Variants in TEK observed in about 807,000 individuals in gnomAD.
TEK encodes the protein TEK receptor tyrosine kinase.
TEK carries 43 observed loss-of-function variants against 131.8 expected under a neutral mutation model. The ratio of observed to expected loss-of-function variants is 0.33; its 90% CI spans 0.26 to 0.42. The LOEUF (loss-of-function observed/expected upper bound fraction) is 0.42. TEK is among the 10% of genes least tolerant of loss of function. The pLI is 1.00. For synonymous variants in TEK, 580 were observed against 491.6 expected (o/e 1.18, Z -2.38); for missense variants, 1,162 against 1,384.4 (o/e 0.84, Z 2.55).
chr9:27,168,131 T>C (rs1823805947), intron 2 of TEK, among the ~76,000 whole-genome samples: 1 of 152,128 alleles, frequency 6.6e-6, no homozygotes, highest in Non-Finnish European at 1.5e-5. Context: ...TATTTCAAAA[T>C]GGAAAAATAA....
chr9:27,209,262 A>T (rs1825513543), intron 16 of TEK, 31 bp downstream of exon 16: 1 of 1,480,726 alleles, frequency 6.8e-7, no homozygotes, highest in Admixed American at 1.7e-5. Context: ...CTTTCCTGCC[A>T]GAGTTTTTAT....
chr9:27,140,589 A>G (rs1822689738), intron 1 of TEK, among the ~76,000 whole-genome samples: 1 of 151,944 alleles, frequency 6.6e-6, no homozygotes, highest in Admixed American at 6.6e-5. Context: ...GTGTTGCTCC[A>G]CTGGCTATAT....
At chr9:27,211,120 T>TAA (rs35005991) in intron 16 of TEK, among the ~76,000 whole-genome samples, 1 of 137,128 alleles carries the variant, frequency 7.3e-6, no homozygotes, top group South Asian at 2.3e-4. Flanking sequence ...AGACTCAGTT[T>TAA]AAAAAAAAAT....
intron 2 of TEK, among the ~76,000 whole-genome samples, chr9:27,160,302 G>A (rs897650682): frequency 2.6e-5 from 4 of 152,136 alleles, no homozygotes; most frequent in Admixed American, 6.5e-5. Context: ...TGGGATTATA[G>A]GTGTGAGCCC....
intron 1 of TEK, among the ~76,000 whole-genome samples, chr9:27,144,326 G>C (rs909699336): frequency 6.6e-6 from 1 of 152,102 alleles, no homozygotes; most frequent in Non-Finnish European, 1.5e-5. Context: ...TAGCTCATGC[G>C]AAGATGCTAT....
rs1055114133 is a variant in TEK at position 27,173,271 on chromosome 9, A to G, written c.810A>G (p.Gly270=). ...FGRTCKERCS[G]QEGCKSYVFC... is the part of the protein sequence containing the mutation. ...GAACTTGTAAAGAAAGGTGCAGTGG[A>G]CAAGAGGGATGCAAGTCTTATGTGT... Residue 270 remains glycine, a synonymous_variant, in exon 6 of 23, where the codon GGA becomes GGG. Coordinates refer to ENST00000380036, the MANE Select transcript of TEK (RefSeq NM_000459.5). 3 of 1,614,100 alleles carry G rather than the reference A, an allele frequency of 1.9e-6. No homozygotes were observed. Among genetic ancestry groups the G allele is most frequent in the Non-Finnish European group, 8.5e-7 (1 of 1,179,956 alleles).
At chr9:27,138,153 G>C (rs1822567730) in intron 1 of TEK, among the ~76,000 whole-genome samples, 1 of 152,232 alleles carries the variant, frequency 6.6e-6, no homozygotes, top group African/African-American at 2.4e-5. Context: ...TAAAGGTAGT[G>C]CAGACCCAAA....
chr9:27,115,802 C>A (rs1207915720), intron 1 of TEK, among the ~76,000 whole-genome samples: 6 of 152,064 alleles, frequency 3.9e-5, no homozygotes, highest in African/African-American at 1.4e-4. Context: ...GCAGGGCAGG[C>A]TTAAGGAAGC....
At chr9:27,217,621 C>CAG in intron 18 of TEK, 67 bp from the exon 19 acceptor site, 1 of 1,420,034 alleles carries the variant, frequency 7.0e-7, no homozygotes, top group Non-Finnish European at 1.0e-6. Flanking sequence ...AGCCACAGCT[C>CAG]AGGCAGGCTG....
intron 16 of TEK, chr9:27,210,276 CCA>C (rs5897223): frequency 0.77 from 117,033 of 151,302 alleles, 45,686 homozygotes; most frequent in East Asian, 0.89. Context: ...CACACACATA[CCA>C]CACACACACA....
chr9:27,185,493 C>T lies in TEK; in HGVS notation c.1191C>T (p.Asp397=), dbSNP rs776194154. 1.9e-6 allele frequency: 3 copies of T among 1,613,648 alleles called. No individual in the cohort carries two copies. Among genetic ancestry groups the T allele is most frequent in the Non-Finnish European group, 2.5e-6 (3 of 1,179,708 alleles). ...GTATTTGACCTTTTCAGCCAAAAGA[C>T]TTTAACCATACGGATCATTTCTCAG... is the stretch of plus-strand genomic sequence containing the variant. ...KPDGTVLHPK[D]FNHTDHFSVA... The change falls in exon 9 of 23, where the codon GAC becomes GAT. Residue 397 remains aspartate, a synonymous_variant. Coordinates refer to ENST00000380036, the MANE Select transcript of TEK (RefSeq NM_000459.5).
rs777377611 is a variant in TEK, at chr9:27,229,644, T to C, written c.*412T>C. 24 of 243,682 alleles carry C rather than the reference T, an allele frequency of 9.8e-5. No homozygotes were observed. The highest frequency in any genetic ancestry group is 1.7e-4 in the Non-Finnish European group (21 of 122,672). 15.1% of individuals were successfully genotyped at this position (243,682 alleles called of 1,614,324 possible). ...AAAATATTGTTAATAAACCTAACAATGACCCTGATAGTACAGGTTAAGTGA... is the reference window on the plus strand; with the variant it reads ...AAAATATTGTTAATAAACCTAACAACGACCCTGATAGTACAGGTTAAGTGA... On this transcript the variant is annotated 3_prime_UTR_variant, in exon 23 of 23. Coordinates refer to ENST00000380036, the MANE Select transcript of TEK (RefSeq NM_000459.5).
chr9:27,229,365 A>G lies in TEK; in HGVS notation c.*133A>G. The G allele has an allele frequency of 1.2e-6, 1 of 825,368 alleles. No individual in the cohort carries two copies. Among genetic ancestry groups the G allele is most frequent in the Non-Finnish European group, 2.1e-6 (1 of 477,826 alleles). 51.1% of individuals were successfully genotyped at this position (825,368 alleles called of 1,614,324 possible). A position where few individuals can be genotyped will look rare whatever the true frequency, so the allele number is the denominator to read the frequency against. ...TATGTGCTGTACACCTGGGACCTTC[A>G]CCACTGTAGATCCCATGCATGGATC... On this transcript the variant is annotated 3_prime_UTR_variant, in exon 23 of 23. Transcript: ENST00000380036.
intron 1 of TEK, among the ~76,000 whole-genome samples, chr9:27,110,566 T>C (rs760559063): frequency 6.6e-6 from 1 of 152,208 alleles, no homozygotes; most frequent in Non-Finnish European, 1.5e-5. Flanking sequence ...ATCGAATTGA[T>C]ATTGGAGATG....
In TEK at chr9:27,168,348, C is replaced by T. The variant is rs1389932592; in HGVS notation, c.365-147C>T. ...TACATAATGTTAAGAAAGGTTAAAA[C>T]GCATTAGCCACCACTGTTTTTCACC... On this transcript the variant is annotated intron_variant, in intron 2 of 22. Transcript: ENST00000380036. The T allele has an allele frequency of 1.5e-5, 10 of 676,660 alleles. No homozygotes were observed. The East Asian group carries it at 2.2e-4, about 15-fold the overall frequency. 41.9% of individuals were successfully genotyped at this position (676,660 alleles called of 1,614,324 possible).
At chr9:27,180,111 A>C in intron 6 of TEK, 129 bp from the exon 7 acceptor site, 2 of 1,356,612 alleles carry the variant, frequency 1.5e-6, no homozygotes, top group Non-Finnish European at 2.1e-6. Flanking sequence ...ATTCAGATAA[A>C]TTACCCCCTA....
intron 6 of TEK, among the ~76,000 whole-genome samples, chr9:27,175,067 A>G (rs1410896967): frequency 6.7e-6 from 1 of 149,432 alleles, no homozygotes; most frequent in Non-Finnish European, 1.5e-5. Flanking sequence ...TACATGTGCC[A>G]TGCTGGTGTG....
intron 1 of TEK, among the ~76,000 whole-genome samples, chr9:27,137,653 C>T (rs758727467): frequency 6.8e-6 from 1 of 147,494 alleles, no homozygotes; most frequent in Admixed American, 6.9e-5. Flanking sequence ...GTACATAGTT[C>T]CCGTATGATT....
intron 2 of TEK, among the ~76,000 whole-genome samples, chr9:27,159,921 CTT>C (rs1823480648): frequency 6.8e-6 from 1 of 146,402 alleles, no homozygotes; most frequent in East Asian, 2.1e-4. Flanking sequence ...ATGAAGGAGT[CTT>C]TTCCAAATTA....
Sources: allele counts gnomAD v4.1 joint callset (sites outside exome capture counted in the v4.1 genomes callset), GRCh38; gene constraint gnomAD v4.1.1; transcripts MANE v1.5; gene names NCBI Gene and HGNC (gene_info 2026-07-23, HGNC 2026-07-21).